ARHGAP5: variants seen among roughly 807,000 people sequenced by gnomAD.
The protein encoded by ARHGAP5 is rho GTPase-activating protein 5.
A neutral mutation model predicts 116.6 loss-of-function variants in ARHGAP5; 23 were observed. That is an observed-to-expected ratio of 0.20 (90% CI 0.14 to 0.28). The LOEUF (loss-of-function observed/expected upper bound fraction) is 0.28, where lower values mean the gene tolerates loss of function less well. ARHGAP5 is among the 10% of genes least tolerant of loss of function. ARHGAP5 has a pLI of 1.00. For missense variants in ARHGAP5, 1,405 were observed against 1,774.8 expected (o/e 0.79, Z 3.74); for synonymous variants, 574 against 602.0 (o/e 0.95, Z 0.68).
intron 1 of ARHGAP5, 118 bp downstream of exon 1, chr14:32,077,553 T>G: frequency 1.1e-5 from 6 of 558,224 alleles, no homozygotes; most frequent in African/African-American, 4.0e-5. Flanking sequence ...TTGAAGGGGC[T>G]GGGGCCCCGC....
In ARHGAP5 at chr14:32,090,718, A is replaced by G. The variant is rs17386818; in HGVS notation, c.49A>G (p.Ile17Val). 0.013 allele frequency: 20,783 copies of G among 1,613,374 alleles called. 145 individuals are homozygous for G. The highest frequency in any genetic ancestry group is 0.016 in the Non-Finnish European group (18,414 of 1,179,504). ...EPRPPSYTIS[I>V]VGLSGTEKDK... ...TCGTCCCCCATCCTATACCATCAGT[A>G]TAGTTGGACTCTCTGGGACTGAAAA... The change falls in exon 2 of 7, where the codon ATA (isoleucine) becomes GTA (valine). Residue 17 changes from isoleucine to valine, a missense_variant. By Grantham distance (29) the Ile-to-Val change is conservative (BLOSUM62 3). This residue lies in a region of ARHGAP5 where 190 missense variants were observed against 314.9 expected (regional missense o/e 0.60). Coordinates refer to ENST00000345122, the MANE Select transcript of ARHGAP5 (RefSeq NM_001030055.2).
chr14:32,130,549 G>C (rs1880431413), intron 3 of ARHGAP5, among the ~76,000 whole-genome samples: 4 of 147,014 alleles, frequency 2.7e-5, no homozygotes, highest in South Asian at 2.1e-4. Context: ...TTGATTGATT[G>C]ATTGATTTTG....
chr14:32,088,150 G>A (rs1223613880), intron 1 of ARHGAP5, among the ~76,000 whole-genome samples: 1 of 151,824 alleles, frequency 6.6e-6, no homozygotes, highest in East Asian at 1.9e-4. Flanking sequence ...TATTATTTGG[G>A]TAAGCATATA....
chr14:32,140,438 T>C (rs1243324488), intron 3 of ARHGAP5, among the ~76,000 whole-genome samples: 1 of 150,318 alleles, frequency 6.7e-6, no homozygotes, highest in Non-Finnish European at 1.5e-5. Context: ...AAAAAAAAAA[T>C]TAGCCAGGTG....
intron 3 of ARHGAP5, among the ~76,000 whole-genome samples, chr14:32,133,944 A>G (rs1303042084): frequency 1.3e-5 from 2 of 152,172 alleles, no homozygotes; most frequent in African/African-American, 4.8e-5. Flanking sequence ...TCAATAGAAA[A>G]AGAGGGAATC....
intron 3 of ARHGAP5, among the ~76,000 whole-genome samples, chr14:32,129,711 C>T (rs981831398): frequency 1.3e-5 from 2 of 151,588 alleles, no homozygotes; most frequent in Admixed American, 6.6e-5. Flanking sequence ...TCCCTTGTTT[C>T]TCCTGCCCTA....
rs989126580 is a variant in ARHGAP5, at chr14:32,154,368, C to T, written c.4182-253C>T. On this transcript the variant is annotated intron_variant, in intron 6 of 6. Transcript: ENST00000345122. ...TTCTCCATGTTGGTCCTGCTGGTGT[C>T]GAACTCCCAACCTCAGGTGATCCGC... 1.0e-4 allele frequency: 38 copies of T among 380,868 alleles called. No homozygotes were observed. In the East Asian group the frequency reaches 1.7e-3, roughly 17 times the overall value. The allele number at this position is 380,868 out of a possible 1,614,324, so 23.6% of individuals were successfully genotyped here.
Position 32,091,398 on chromosome 14 carries a change from A to G in ARHGAP5, c.729A>G (p.Val243=), listed in dbSNP as rs1878238102. 2 of 1,611,296 alleles carry G rather than the reference A, an allele frequency of 1.2e-6. No homozygotes were observed. The highest frequency in any genetic ancestry group is 1.7e-6 in the Non-Finnish European group (2 of 1,178,724). ...TTGAAACATGTTTTACTGCACTGGT[A>G]CAAATGTTGGATAAAACTCGTAGCA... ...VNIETCFTAL[V]QMLDKTRSKP... is the part of the protein sequence containing the mutation. Residue 243 remains valine, a synonymous_variant, in exon 2 of 7, where the codon GTA becomes GTG. Transcript: ENST00000345122.
rs1878229598 is a variant in ARHGAP5 at position 32,091,289 on chromosome 14, A to G, written c.620A>G (p.His207Arg). The change falls in exon 2 of 7, where the codon CAT becomes CGT. Residue 207 changes from histidine to arginine, a missense_variant. Transcript: ENST00000345122. ...AATKCDECVD[H>R]YLREVQAFAS... ...ACTAAATGTGATGAATGCGTGGATC[A>G]TTATCTTAGAGAAGTTCAGGCATTT... 1 of 1,613,432 alleles carries G rather than the reference A, an allele frequency of 6.2e-7. No homozygotes were observed.
At chr14:32,078,708 A>G (rs2041740737) in intron 1 of ARHGAP5, among the ~76,000 whole-genome samples, 1 of 152,152 alleles carries the variant, frequency 6.6e-6, no homozygotes, top group South Asian at 2.1e-4. Context: ...GATCTCGTTC[A>G]CTTCATGGGA....
chr14:32,146,273 C>G lies in ARHGAP5; in HGVS notation c.3876C>G (p.Thr1292=), dbSNP rs374154091. Reference sequence around the variant, plus strand: ...TCTTTATTCTCTTAGGGTTATGTACCGAAGGACTCTACCGTGTCAGCGGGA... The same window carrying G: ...TCTTTATTCTCTTAGGGTTATGTACGGAAGGACTCTACCGTGTCAGCGGGA... ...VEFIEDTGLC[T]EGLYRVSGNK... is the part of the protein sequence containing the mutation. The change falls in exon 4 of 7, where the codon ACC becomes ACG. Residue 1292 remains threonine, a synonymous_variant. Transcript: ENST00000345122. The G allele has an allele frequency of 1.2e-6, 2 of 1,610,830 alleles. No homozygotes were observed. The highest frequency in any genetic ancestry group is 1.7e-6 in the Non-Finnish European group (2 of 1,177,244).
At chr14:32,130,601 C>T (rs555960503) in intron 3 of ARHGAP5, among the ~76,000 whole-genome samples, 4 of 151,342 alleles carry the variant, frequency 2.6e-5, no homozygotes, top group African/African-American at 4.9e-5. Flanking sequence ...AGTGCAGTGG[C>T]GCGATCTCAG....
rs2139163725 is a variant in ARHGAP5 at position 32,157,356 on chromosome 14, C to CCTAT, written c.*2410_*2413dup. ...ACTGGAAGGTTTCACTGTTTAGGGA[C>CCTAT]CTATCATATGAGACTTCTTAAAGGA... On this transcript the variant is annotated 3_prime_UTR_variant, in exon 7 of 7. Transcript: ENST00000345122. 6.6e-6 allele frequency: 1 copy of CCTAT among 152,250 alleles called. No homozygotes were observed. Among genetic ancestry groups the CCTAT allele is most frequent in the East Asian group, 1.9e-4 (1 of 5,188 alleles). 9.4% of individuals were successfully genotyped at this position (152,250 alleles called of 1,614,324 possible).
chr14:32,090,416 A>G (rs534891031), intron 1 of ARHGAP5, 86 bp from the exon 2 acceptor site: 6 of 438,332 alleles, frequency 1.4e-5, no homozygotes, highest in South Asian at 7.6e-5. Context: ...ATTAATTTGT[A>G]TGGTGCTTTG....
intron 4 of ARHGAP5, among the ~76,000 whole-genome samples, chr14:32,148,331 T>A (rs1021029795): frequency 2.0e-5 from 3 of 152,152 alleles, no homozygotes; most frequent in Non-Finnish European, 2.9e-5. Flanking sequence ...GAGTTTGACT[T>A]TCTTGTTTTG....
chr14:32,147,044 G>A (rs367941677), intron 4 of ARHGAP5, among the ~76,000 whole-genome samples: 1 of 152,158 alleles, frequency 6.6e-6, no homozygotes, highest in South Asian at 2.1e-4. Context: ...ATTTAGAAAA[G>A]CAGTAATTTG....
rs986774488 is a variant in ARHGAP5, at chr14:32,131,967, C to T, written c.3866-14296C>T. Among the ~76,000 whole-genome samples, 3 of 152,172 alleles carry T rather than the reference C, an allele frequency of 2.0e-5. No individual in the cohort carries two copies. The South Asian group carries it at 6.2e-4, about 31-fold the overall frequency. ...CCATGGTGTATATGTGCCACATTTT[C>T]TTAATCCAGTCTGTCCTTGTTGGAC... On this transcript the variant is annotated intron_variant, in intron 3 of 6. Coordinates refer to ENST00000345122, the MANE Select transcript of ARHGAP5 (RefSeq NM_001030055.2).
chr14:32,085,708 C>T (rs993702076), intron 1 of ARHGAP5, among the ~76,000 whole-genome samples: 2 of 152,124 alleles, frequency 1.3e-5, no homozygotes, highest in Non-Finnish European at 2.9e-5. Context: ...CATGTAATTA[C>T]AAAGTTCCCT....
rs1478767079 is a variant in ARHGAP5, at chr14:32,141,333, A to G, written c.3866-4930A>G. Among the ~76,000 whole-genome samples the G allele has an allele frequency of 5.9e-5, 9 of 152,196 alleles. No individual in the cohort carries two copies. The East Asian group carries it at 1.5e-3, about 26-fold the overall frequency. On this transcript the variant is annotated intron_variant, in intron 3 of 6. Transcript: ENST00000345122. ...GTCATTACCCTGCAGATTACAATTA[A>G]CATATTTATAATAGTCATGTTTTAA...
Sources: allele counts gnomAD v4.1 joint callset (sites outside exome capture counted in the v4.1 genomes callset), GRCh38; gene constraint gnomAD v4.1.1; regional missense constraint gnomAD v4.1.1; transcripts MANE v1.5; gene names NCBI Gene and HGNC (gene_info 2026-07-23, HGNC 2026-07-21).